The following SEMA6C variants were observed in gnomAD, a reference collection of about 807,000 sequenced individuals.
The protein encoded by SEMA6C is semaphorin-6C.
A neutral mutation model predicts 72.9 loss-of-function variants in SEMA6C; 37 were observed. The observed-to-expected ratio is 0.51, with a 90% CI of 0.39 to 0.67. The LOEUF (loss-of-function observed/expected upper bound fraction) is 0.67, where lower values mean the gene tolerates loss of function less well. Ranked by LOEUF, SEMA6C falls within the 30% of genes least tolerant of loss-of-function variation. The pLI is 0.00. For synonymous variants in SEMA6C, 578 were observed against 554.1 expected (o/e 1.04, Z -0.61); for missense variants, 1,189 against 1,263.6 (o/e 0.94, Z 0.89).
At chr1:151,138,952 G>C (rs1007989247) in intron 6 of SEMA6C, among the ~76,000 whole-genome samples, 1 of 152,074 alleles carries the variant, frequency 6.6e-6, no homozygotes, top group Non-Finnish European at 1.5e-5. Flanking sequence ...AATTAGCTGG[G>C]TGTAGCAGCA....
rs587771170 is a variant in SEMA6C at position 151,133,431 on chromosome 1, G to A, written c.1846C>T (p.Leu616=). The A allele has an allele frequency of 6.3e-6, 10 of 1,585,976 alleles. No individual in the cohort carries two copies. The East Asian group carries it at 1.6e-4, about 25-fold the overall frequency. The change falls in exon 19 of 19, where the codon CTG becomes TTG. Residue 616 remains leucine, a synonymous_variant. Coordinates refer to ENST00000368914, the MANE Select transcript of SEMA6C (RefSeq NM_030913.6). The surrounding 1 kb of genome is among the most constrained non-coding windows in gnomAD (Gnocchi z 5.9). ...LLASVAAAFA[L]GASVSGLLVS... is the part of the protein sequence containing the mutation. ...AGGAGGCCAGAGACTGAGGCGCCCA[G>A]GGCAAAAGCTGCGGCCACACTGGCC...
Position 151,132,161 on chromosome 1 carries a change from C to A in SEMA6C, c.*323G>T, listed in dbSNP as rs1490759422. On this transcript the variant is annotated 3_prime_UTR_variant, in exon 19 of 19. Transcript: ENST00000368914. ...CTGGACACAGCGCGCGCGGCCCGCC[C>A]GGGGCACAGTCTCTGGGGGAGCCCC... The A allele has an allele frequency of 1.4e-6, 2 of 1,387,794 alleles. No individual in the cohort carries two copies. The highest frequency in any genetic ancestry group is 1.4e-5 in the African/African-American group (1 of 69,434). 86.0% of individuals were successfully genotyped at this position (1,387,794 alleles called of 1,614,324 possible). A position where few individuals can be genotyped will look rare whatever the true frequency, so the allele number is the denominator to read the frequency against.
chr1:151,142,755 GT>G, intron 2 of SEMA6C, 80 bp from the exon 3 acceptor site: 1 of 683,252 alleles, frequency 1.5e-6, no homozygotes, highest in Non-Finnish European at 2.4e-6. Flanking sequence ...TCCTCTCCTG[GT>G]GTATCCCCAG....
chr1:151,143,774 T>C (rs933599371), intron 2 of SEMA6C, among the ~76,000 whole-genome samples: 3 of 152,028 alleles, frequency 2.0e-5, no homozygotes, highest in African/African-American at 7.2e-5. Context: ...AAAATTGAAG[T>C]GAGGGACTTG....
In SEMA6C at chr1:151,132,003, A is replaced by C; in HGVS notation, c.*481T>G. On this transcript the variant is annotated 3_prime_UTR_variant, in exon 19 of 19. Transcript: ENST00000368914. ...GAAGGCAGAGAGCGAGGGCGCCCAG[A>C]GCGAGCCGACCGACTGCCGCCCTCC... The C allele has an allele frequency of 3.1e-6, 1 of 327,790 alleles. No homozygotes were observed. The highest frequency in any genetic ancestry group is 1.1e-4 in the East Asian group (1 of 9,392). The allele number at this position is 327,790 out of a possible 1,614,324, so 20.3% of individuals were successfully genotyped here.
rs996738392 is a variant in SEMA6C at position 151,133,106 on chromosome 1, T to C, written c.2171A>G (p.Asn724Ser). Reference sequence around the variant, plus strand: ...CGGACCCTCCTTGGCGTTGTTCCTGTTCTGGTTCCACTCCCAGGGGTCCCC... The same window carrying C: ...CGGACCCTCCTTGGCGTTGTTCCTGCTCTGGTTCCACTCCCAGGGGTCCCC... ...AAGDPWEWNQ[N>S]RNNAKEGPGR... Residue 724 changes from asparagine (N) to serine (S), a missense_variant, in exon 19 of 19, where the codon AAC (asparagine) becomes AGC (serine). By Grantham distance (46) the Asn-to-Ser change is conservative. This residue lies in a region of SEMA6C where 721 missense variants were observed against 686.2 expected (regional missense o/e 1.05). Transcript: ENST00000368914. This position sits in a 1 kb window ranked among gnomAD's most constrained non-coding sequence, Gnocchi z 5.9. The C allele has an allele frequency of 1.3e-6, 2 of 1,566,060 alleles. No individual in the cohort carries two copies. Among genetic ancestry groups the C allele is most frequent in the Non-Finnish European group, 8.6e-7 (1 of 1,167,390 alleles).
intron 17 of SEMA6C, 80 bp downstream of exon 17, chr1:151,134,540 G>A: frequency 1.2e-6 from 2 of 1,607,546 alleles, no homozygotes; most frequent in South Asian, 1.1e-5. Context: ...AAGGACAAAA[G>A]GCCAAGCCTG....
chr1:151,136,322 C>A, intron 12 of SEMA6C, 126 bp downstream of exon 12: 1 of 1,477,290 alleles, frequency 6.8e-7, no homozygotes, highest in Admixed American at 1.9e-5. Flanking sequence ...CTCTTCGGCC[C>A]CACTGCCACC....
chr1:151,135,733 T>A lies in SEMA6C; in HGVS notation c.1291A>T (p.Met431Leu), dbSNP rs1270665518. The A allele has an allele frequency of 6.2e-7, 1 of 1,614,026 alleles. No individual in the cohort carries two copies. The highest frequency in any genetic ancestry group is 1.3e-5 in the African/African-American group (1 of 74,908). The change falls in exon 14 of 19, where the codon ATG becomes TTG. Residue 431 changes from methionine (M) to leucine (L), a missense_variant. By Grantham distance (15) the Met-to-Leu change is conservative (BLOSUM62 2). Coordinates refer to ENST00000368914, the MANE Select transcript of SEMA6C (RefSeq NM_030913.6). ...GTGATGTTACTGTGGGGACCAGCCA[T>A]GCCATCCACAGCTACTTGGGTCAGT... ...ALLTQVAVDG[M>L]AGPHSNITVM...
chr1:151,133,201 C>T lies in SEMA6C; in HGVS notation c.2076G>A (p.Pro692=), dbSNP rs757404010. 1.3e-6 allele frequency: 2 copies of T among 1,569,034 alleles called. No homozygotes were observed. The highest frequency in any genetic ancestry group is 1.4e-5 in the African/African-American group (1 of 73,368). The change falls in exon 19 of 19, where the codon CCG becomes CCA. Residue 692 remains proline (P), a synonymous_variant. Coordinates refer to ENST00000368914, the MANE Select transcript of SEMA6C (RefSeq NM_030913.6). This position sits in a 1 kb window ranked among gnomAD's most constrained non-coding sequence, Gnocchi z 5.9. ...TFLPPPEGVP[P]PELACLPTPE... is the part of the protein sequence containing the mutation. ...GGGTGGGCAGGCAGGCCAGCTCCGG[C>T]GGGGGCACGCCCTCCGGAGGCGGCA...
intron 15 of SEMA6C, 111 bp downstream of exon 15, chr1:151,135,052 A>G: frequency 6.7e-7 from 1 of 1,490,206 alleles, no homozygotes; most frequent in South Asian, 1.2e-5. Flanking sequence ...GTACCTAGGC[A>G]CCCCACAGCC....
In SEMA6C at chr1:151,135,593, G is replaced by T. The variant is rs1365946114; in HGVS notation, c.1431C>A (p.Ala477=). Residue 477 remains alanine (A), a splice_region_variant and synonymous_variant, in exon 14 of 19, where the codon GCC becomes GCA. Transcript: ENST00000368914. ...GGCCTGCCCTCCAAAGGCCTCACCGGGCAGGGCTGTAGGCATCAATCTCTT... is the reference window on the plus strand; with the variant it reads ...GGCCTGCCCTCCAAAGGCCTCACCGTGCAGGGCTGTAGGCATCAATCTCTT... ...LLEEIDAYSP[A]RCSGKRTAQT... is the part of the protein sequence containing the mutation. The T allele has an allele frequency of 6.2e-7, 1 of 1,612,272 alleles. No individual in the cohort carries two copies. The highest frequency in any genetic ancestry group is 1.1e-5 in the South Asian group (1 of 90,768).
chr1:151,135,207 G>A lies in SEMA6C; in HGVS notation c.1536C>T (p.Val512=). 14 of 1,614,146 alleles carry A rather than the reference G, an allele frequency of 8.7e-6. No homozygotes were observed. Among genetic ancestry groups the A allele is most frequent in the Non-Finnish European group, 1.2e-5 (14 of 1,179,996 alleles). The part of the protein sequence containing the change: ...RLFVAFSGCI[V]YLPLSRCARH... The stretch of plus-strand genomic sequence containing the variant: ...GGGCACACCGGCTGAGAGGGAGGTA[G>A]ACAATACAGCCAGAAAAAGCCACAA... Residue 512 remains valine (V), a synonymous_variant, in exon 15 of 19, where the codon GTC becomes GTT. Coordinates refer to ENST00000368914, the MANE Select transcript of SEMA6C (RefSeq NM_030913.6).
intron 10 of SEMA6C, 62 bp downstream of exon 10, chr1:151,137,649 G>C (rs1456915157): frequency 2.2e-6 from 3 of 1,359,632 alleles, no homozygotes; most frequent in Non-Finnish European, 3.1e-6. Context: ...CTCCCACTCA[G>C]ACTGGCTCCT....
intron 14 of SEMA6C, 140 bp from the exon 15 acceptor site, chr1:151,135,449 G>C: frequency 2.1e-6 from 3 of 1,441,616 alleles, no homozygotes; most frequent in Non-Finnish European, 2.8e-6. Flanking sequence ...ACACTGTCCA[G>C]TCTTCTCGCC....
At position 151,139,495 on chromosome 1, in the gene SEMA6C, T is replaced by G. The variant is rs1430779966; in HGVS notation, c.298-14A>C. The G allele has an allele frequency of 1.2e-6, 2 of 1,613,682 alleles. No homozygotes were observed. The highest frequency in any genetic ancestry group is 2.2e-5 in the South Asian group (2 of 91,076). ...CCATGTTAGATACTGAAGGGATAAG[T>G]TGAAGAGGGAAAATCATGGGCAACT... On this transcript the variant is annotated splice_polypyrimidine_tract_variant and intron_variant, in intron 5 of 18. Coordinates refer to ENST00000368914, the MANE Select transcript of SEMA6C (RefSeq NM_030913.6).
intron 2 of SEMA6C, 60 bp downstream of exon 2, chr1:151,144,324 CT>C (rs1217999156): frequency 6.5e-6 from 1 of 152,802 alleles, no homozygotes; most frequent in African/African-American, 2.4e-5. Context: ...GCCCCTCTTT[CT>C]GCTCCCTGCT....
In SEMA6C at chr1:151,132,443, A is replaced by T; in HGVS notation, c.*41T>A. On this transcript the variant is annotated 3_prime_UTR_variant, in exon 19 of 19. Coordinates refer to ENST00000368914, the MANE Select transcript of SEMA6C (RefSeq NM_030913.6). ...GAGCGTCCAGCTCGTGGCCGAGAGG[A>T]CTCGGGCGCTCCCCACGCTGGAGGC... 6.5e-7 allele frequency: 1 copy of T among 1,533,322 alleles called. No individual in the cohort carries two copies. The highest frequency in any genetic ancestry group is 1.7e-4 in the Middle Eastern group (1 of 5,864). The allele number at this position is 1,533,322 out of a possible 1,614,324, so 95.0% of individuals were successfully genotyped here.
chr1:151,143,784 G>A (rs1373839620), intron 2 of SEMA6C, among the ~76,000 whole-genome samples: 1 of 152,076 alleles, frequency 6.6e-6, no homozygotes, highest in Non-Finnish European at 1.5e-5. Flanking sequence ...TGAGGGACTT[G>A]GTCGGCTCCA....
Sources: gnomAD v4.1 joint callset for allele counts (sites outside exome capture counted in the v4.1 genomes callset) on GRCh38, gnomAD v4.1.1 for gene constraint, gnomAD v4.1.1 regional missense constraint, Gnocchi (gnomAD v3.1) non-coding constraint, MANE v1.5 for transcripts, NCBI Gene and HGNC (gene_info 2026-07-23, HGNC 2026-07-21) for gene names.